BCL2L13: variants seen among roughly 807,000 people sequenced by gnomAD.
The protein encoded by BCL2L13 is bcl-2-like protein 13.
BCL2L13 carries 13 observed loss-of-function variants against 25.8 expected under a neutral mutation model. That is an observed-to-expected ratio of 0.50 (90% confidence interval 0.33 to 0.80). BCL2L13 has a LOEUF of 0.80. Among genes scored for constraint, BCL2L13 ranks in the 30% least tolerant of loss-of-function variants. BCL2L13 has a pLI of 0.02. For synonymous variants in BCL2L13, 244 were observed against 230.3 expected (o/e 1.06, Z -0.54); for missense variants, 504 against 574.9 (o/e 0.88, Z 1.26).
At chr22:17,699,031 C>G (rs1246885598) in intron 5 of BCL2L13, among the ~76,000 whole-genome samples, 1 of 152,164 alleles carries the variant, frequency 6.6e-6, no homozygotes, top group Non-Finnish European at 1.5e-5. Context: ...TGTCACTTAA[C>G]ATGTTCTTCT....
chr22:17,642,000 T>C (rs1028193338), intron 1 of BCL2L13, among the ~76,000 whole-genome samples: 6 of 151,568 alleles, frequency 4.0e-5, no homozygotes, highest in South Asian at 4.2e-4. Flanking sequence ...GGGGTTTCAC[T>C]GTGTTAGCCA....
In BCL2L13 at chr22:17,696,197, G is replaced by A; in HGVS notation, c.443G>A (p.Ser148Asn). 6.2e-7 allele frequency: 1 copy of A among 1,613,674 alleles called. No homozygotes were observed. The highest frequency in any genetic ancestry group is 8.5e-7 in the Non-Finnish European group (1 of 1,179,610). The part of the protein sequence containing the change: ...ECTLETTVHA[S>N]GWNKILVPLV... ...ACACTGGAGACCACAGTTCATGCCAGCGGCTGGAATAAGGTATCATCACAA... is the reference window on the plus strand; with the variant it reads ...ACACTGGAGACCACAGTTCATGCCAACGGCTGGAATAAGGTATCATCACAA... Residue 148 changes from serine (S) to asparagine (N), a missense_variant, in exon 5 of 7, where the codon AGC becomes AAC. Ser to Asn is a conservative substitution (Grantham distance 46). Transcript: ENST00000317582.
At chr22:17,634,109 C>T (rs2058069053), upstream of BCL2L13, among the ~76,000 whole-genome samples, 1 of 152,108 alleles carries the variant, frequency 6.6e-6, no homozygotes, top group Non-Finnish European at 1.5e-5. Context: ...GAGAGCTTAT[C>T]CTGGTCACTC....
At chr22:17,631,869 G>A (rs567133929) in intron 1 of BCL2L13, among the ~76,000 whole-genome samples, 3 of 150,738 alleles carry the variant, frequency 2.0e-5, no homozygotes, top group East Asian at 3.9e-4. Flanking sequence ...CTATAGGCGC[G>A]TGCCACCACA....
chr22:17,691,554 G>A (rs1306509928), intron 4 of BCL2L13, among the ~76,000 whole-genome samples: 1 of 152,156 alleles, frequency 6.6e-6, no homozygotes, highest in East Asian at 1.9e-4. Flanking sequence ...GCTGAGGCAG[G>A]AGAATGGTGT....
chr22:17,668,700 C>T (rs1185875350), intron 2 of BCL2L13, among the ~76,000 whole-genome samples: 4 of 151,790 alleles, frequency 2.6e-5, no homozygotes, highest in African/African-American at 7.3e-5. Flanking sequence ...CTCCTGACCT[C>T]GTGATCCACC....
At chr22:17,666,348 C>G (rs1351384666) in intron 2 of BCL2L13, among the ~76,000 whole-genome samples, 1 of 152,010 alleles carries the variant, frequency 6.6e-6, no homozygotes, top group Non-Finnish European at 1.5e-5. Flanking sequence ...AACATTTATC[C>G]TTTGAATTAC....
chr22:17,681,642 T>C (rs943384489), intron 2 of BCL2L13, among the ~76,000 whole-genome samples: 1 of 152,182 alleles, frequency 6.6e-6, no homozygotes, highest in African/African-American at 2.4e-5. Flanking sequence ...TGACATTCTC[T>C]TAAGAGCCTG....
intron 2 of BCL2L13, among the ~76,000 whole-genome samples, chr22:17,664,834 G>A (rs1309704968): frequency 6.6e-6 from 1 of 152,214 alleles, no homozygotes; most frequent in Non-Finnish European, 1.5e-5. Flanking sequence ...GCCACGACTG[G>A]AGTGGCTGGG....
chr22:17,701,494 A>G (rs1292501665), intron 5 of BCL2L13, among the ~76,000 whole-genome samples: 1 of 152,204 alleles, frequency 6.6e-6, no homozygotes, highest in Non-Finnish European at 1.5e-5. Flanking sequence ...GTATTCTTCT[A>G]TAACTTGCCT....
rs2061312139 is a variant in BCL2L13 at position 17,726,827 on chromosome 22, A to G, written c.751A>G (p.Ser251Gly). ...PTVTTSWQSESLPVSLSASQS... is the reference protein window; with the variant it reads ...PTVTTSWQSEGLPVSLSASQS... The stretch of plus-strand genomic sequence containing the variant: ...TGTGACCACTTCCTGGCAGTCTGAG[A>G]GCTTACCTGTGTCACTGTCAGCTAG... The change falls in exon 7 of 7, where the codon AGC (serine) becomes GGC (glycine). Residue 251 changes from serine to glycine, a missense_variant. By Grantham distance (56) the Ser-to-Gly change is moderately conservative. Coordinates refer to ENST00000317582, the MANE Select transcript of BCL2L13 (RefSeq NM_015367.4). 6.2e-7 allele frequency: 1 copy of G among 1,613,932 alleles called. No homozygotes were observed. Among genetic ancestry groups the G allele is most frequent in the Non-Finnish European group, 8.5e-7 (1 of 1,179,842 alleles).
chr22:17,642,462 C>G (rs1016798570), intron 1 of BCL2L13, among the ~76,000 whole-genome samples: 6 of 151,740 alleles, frequency 4.0e-5, no homozygotes, highest in Admixed American at 1.3e-4. Context: ...CCCGGCCTGT[C>G]TGGCTTCTTT....
intron 1 of BCL2L13, among the ~76,000 whole-genome samples, chr22:17,643,814 C>T (rs375263228): frequency 1.3e-5 from 2 of 151,674 alleles, no homozygotes; most frequent in Non-Finnish European, 1.5e-5. Context: ...GGGGTTTCAC[C>T]GTGTTAGCCA....
chr22:17,654,713 C>T lies in BCL2L13; in HGVS notation c.-50-949C>T, dbSNP rs559777722. On this transcript the variant is annotated intron_variant, in intron 1 of 6. Transcript: ENST00000317582. Reference sequence around the variant, plus strand: ...TGCTAGGATTACAGGTGTGAGCCACCGCACCTGGCCTGTCTTCTCTTTTTT... The same window carrying T: ...TGCTAGGATTACAGGTGTGAGCCACTGCACCTGGCCTGTCTTCTCTTTTTT... Among the ~76,000 whole-genome samples, 9 of 152,020 alleles carry T rather than the reference C, an allele frequency of 5.9e-5. No individual in the cohort carries two copies. In the East Asian group the frequency reaches 9.7e-4, roughly 16 times the overall value.
intron 6 of BCL2L13, 120 bp from the exon 7 acceptor site, chr22:17,726,557 G>A: frequency 8.5e-7 from 1 of 1,176,158 alleles, no homozygotes; most frequent in South Asian, 1.5e-5. Flanking sequence ...AAACTATGTA[G>A]GTTTAAACAG....
intron 6 of BCL2L13, 54 bp downstream of exon 6, chr22:17,702,440 G>T: frequency 6.9e-7 from 1 of 1,439,306 alleles, no homozygotes; most frequent in Non-Finnish European, 9.2e-7. Flanking sequence ...TAGGTTTGTT[G>T]TTTTTCTTAA....
At chr22:17,631,756 T>C (rs2058035316) in intron 1 of BCL2L13, among the ~76,000 whole-genome samples, 1 of 128,882 alleles carries the variant, frequency 7.8e-6, no homozygotes, top group African/African-American at 2.9e-5. Flanking sequence ...AGTTTCGCTA[T>C]TGTTGCCCAG....
At position 17,728,068 on chromosome 22, in the gene BCL2L13, T is replaced by TGATACGGCGA; in HGVS notation, c.*534_*535insGATACGGCGA. On this transcript the variant is annotated 3_prime_UTR_variant, in exon 7 of 7. Transcript: ENST00000317582. ...CAGCTACTGACTTCTTAGCTCTTAA[T>TGATACGGCGA]CCCCTTAGAATTTCATCTTTCTCGA... 6.3e-6 allele frequency: 1 copy of TGATACGGCGA among 159,792 alleles called. No homozygotes were observed. Among genetic ancestry groups the TGATACGGCGA allele is most frequent in the Admixed American group, 5.8e-5 (1 of 17,220 alleles). The allele number at this position is 159,792 out of a possible 1,614,324, so 9.9% of individuals were successfully genotyped here. A position where few individuals can be genotyped will look rare whatever the true frequency, so the allele number is the denominator to read the frequency against.
chr22:17,676,299 T>C (rs2059574167), intron 2 of BCL2L13, among the ~76,000 whole-genome samples: 1 of 41,370 alleles, frequency 2.4e-5, no homozygotes, highest in African/African-American at 1.2e-4. Flanking sequence ...CTATCTCTAC[T>C]AAAAACAAAA....
Sources: gnomAD v4.1 joint callset for allele counts (sites outside exome capture counted in the v4.1 genomes callset) on GRCh38, gnomAD v4.1.1 for gene constraint, MANE v1.5 for transcripts, NCBI Gene and HGNC (gene_info 2026-07-23, HGNC 2026-07-21) for gene names.